The following SCIN variants were observed in gnomAD, a reference collection of about 807,000 sequenced individuals.
SCIN encodes the protein scinderin.
A neutral mutation model predicts 91.8 loss-of-function variants in SCIN; 91 were observed. That is an observed-to-expected ratio of 0.99 (90% CI 0.84 to 1.18). SCIN has a LOEUF of 1.18. SCIN is among the 50% of genes most tolerant of loss of function. SCIN has a pLI of 0.00. For synonymous variants in SCIN, 367 were observed against 312.6 expected, an observed-to-expected ratio of 1.17 and a Z score of -1.84; for missense variants, 1,087 against 863.9, an observed-to-expected ratio of 1.26 and a Z score of -3.24.
chr7:12,592,212 T>G (rs1476774851), intron 3 of SCIN, among the ~76,000 whole-genome samples: 1 of 151,144 alleles, frequency 6.6e-6, no homozygotes, highest in African/African-American at 2.4e-5. Flanking sequence ...GTGTAGAGGG[T>G]GGTGTTGGTA....
Position 12,629,241 on chromosome 7 carries a change from A to G in SCIN, c.1319+19A>G, listed in dbSNP as rs1297492991. The G allele has an allele frequency of 3.1e-6, 5 of 1,589,152 alleles. No homozygotes were observed. Among genetic ancestry groups the G allele is most frequent in the South Asian group, 1.2e-5 (1 of 85,784 alleles). ...ACACGTGGTGAGTTTATACGGGTAAAGATCTCGAGTTCCACAGGAGCCAGA... is the reference window on the plus strand; with the variant it reads ...ACACGTGGTGAGTTTATACGGGTAAGGATCTCGAGTTCCACAGGAGCCAGA... On this transcript the variant is annotated intron_variant, in intron 9 of 15. Coordinates refer to ENST00000297029, the MANE Select transcript of SCIN (RefSeq NM_001112706.3).
At chr7:12,625,291 T>G (rs1464316316) in intron 6 of SCIN, 149 bp downstream of exon 6, 2 of 671,930 alleles carry the variant, frequency 3.0e-6, no homozygotes, top group Non-Finnish European at 4.6e-6. Flanking sequence ...TGCAGCCATT[T>G]TCCTCCTACC....
In SCIN at chr7:12,642,795, CG is replaced by C. The variant is rs1386602774; in HGVS notation, c.1582-1341del. Among the ~76,000 whole-genome samples, 28 of 151,924 alleles carry C rather than the reference CG, an allele frequency of 1.8e-4. No individual in the cohort carries two copies. In the South Asian group the frequency reaches 2.9e-3, roughly 16 times the overall value. ...TTACAATGGTTTCTTCCTAATCTAT[CG>C]GCCACTCCTCTCGGGCTAGTTTGCT... is the stretch of plus-strand genomic sequence containing the variant. On this transcript the variant is annotated intron_variant, in intron 11 of 15. Transcript: ENST00000297029.
At chr7:12,621,007 G>A (rs1232238209) in intron 4 of SCIN, among the ~76,000 whole-genome samples, 2 of 152,096 alleles carry the variant, frequency 1.3e-5, no homozygotes, top group Non-Finnish European at 2.9e-5. Flanking sequence ...TGAGCTAAAT[G>A]CCAATCGCGT....
At chr7:12,585,290 G>C (rs1782564662) in intron 3 of SCIN, among the ~76,000 whole-genome samples, 1 of 152,102 alleles carries the variant, frequency 6.6e-6, no homozygotes, top group African/African-American at 2.4e-5. Flanking sequence ...ACTTTTCCCA[G>C]CTTATCCAGC....
rs757531443 is a variant in SCIN at position 12,640,416 on chromosome 7, T to G, written c.1480T>G (p.Tyr494Asp). ...SLFKDKPLII[Y>D]KNGTSKKGGQ... ...GTTCAAAGACAAACCGCTCATTATT[T>G]ACAAGAATGGAACATCAAAGAAAGG... Residue 494 changes from tyrosine to aspartate, a missense_variant, in exon 11 of 16, where the codon TAC becomes GAC. By Grantham distance (160) the Tyr-to-Asp change is radical (BLOSUM62 -3). Coordinates refer to ENST00000297029, the MANE Select transcript of SCIN (RefSeq NM_001112706.3). 1 of 1,613,632 alleles carries G rather than the reference T, an allele frequency of 6.2e-7. No homozygotes were observed. The highest frequency in any genetic ancestry group is 1.1e-5 in the South Asian group (1 of 91,030).
Position 12,602,330 on chromosome 7 carries a change from T to A in SCIN, c.517-2184T>A, listed in dbSNP as rs7806833. 1.8e-4 allele frequency among the ~76,000 whole-genome samples: 28 copies of A among 152,084 alleles called. No homozygotes were observed. The East Asian group carries it at 3.3e-3, about 18-fold the overall frequency. The stretch of plus-strand genomic sequence containing the variant: ...AAAAAGGAGAACAAAGATCACATGC[T>A]TCTGAGGAAACAGGACAAAAGGCAA... On this transcript the variant is annotated intron_variant, in intron 3 of 15. Transcript: ENST00000297029.
At chr7:12,607,818 A>G (rs1163928808) in intron 4 of SCIN, among the ~76,000 whole-genome samples, 1 of 152,222 alleles carries the variant, frequency 6.6e-6, no homozygotes, top group Non-Finnish European at 1.5e-5. Context: ...TAATTAATTG[A>G]GCACCTATAA....
At chr7:12,620,052 A>G (rs183863161) in intron 4 of SCIN, among the ~76,000 whole-genome samples, 50 of 152,154 alleles carry the variant, frequency 3.3e-4, no homozygotes, top group African/African-American at 1.1e-3. Flanking sequence ...GTTTGTACAT[A>G]TATATCTATC....
intron 3 of SCIN, among the ~76,000 whole-genome samples, chr7:12,591,414 C>G (rs1421098032): frequency 1.3e-5 from 2 of 152,118 alleles, no homozygotes; most frequent in African/African-American, 4.8e-5. Context: ...TTAAAGCAGG[C>G]TGGCCACCCT....
chr7:12,587,121 G>T lies in SCIN; in HGVS notation c.516+5900G>T, dbSNP rs570725537. On this transcript the variant is annotated intron_variant, in intron 3 of 15. Coordinates refer to ENST00000297029, the MANE Select transcript of SCIN (RefSeq NM_001112706.3). ...GTACAAATAAGTGATAACTATTTGA[G>T]GTGATTGATGTGCTAATTACTCTGA... Among the ~76,000 whole-genome samples, 3 of 152,226 alleles carry T rather than the reference G, an allele frequency of 2.0e-5. No homozygotes were observed. The South Asian group carries it at 6.2e-4, about 32-fold the overall frequency.
At position 12,659,835 on chromosome 7, in the gene SCIN, G is replaced by A; in HGVS notation, c.*7120G>A. On this transcript the variant is annotated 3_prime_UTR_variant, in exon 16 of 16. Transcript: ENST00000297029. ...TAAGCCATCATATCCCCTGTGACCTGCACATATACATCCAGATGGCCTGAA... is the reference window on the plus strand; with the variant it reads ...TAAGCCATCATATCCCCTGTGACCTACACATATACATCCAGATGGCCTGAA... 5.8e-6 allele frequency: 1 copy of A among 172,462 alleles called. No individual in the cohort carries two copies. Among genetic ancestry groups the A allele is most frequent in the Non-Finnish European group, 1.2e-5 (1 of 81,100 alleles). 10.7% of individuals were successfully genotyped at this position (172,462 alleles called of 1,614,324 possible). A position where few individuals can be genotyped will look rare whatever the true frequency, so the allele number is the denominator to read the frequency against.
intron 4 of SCIN, 114 bp from the exon 5 acceptor site, chr7:12,622,687 G>T: frequency 1.4e-6 from 1 of 722,914 alleles, no homozygotes; most frequent in Non-Finnish European, 2.3e-6. Context: ...TTTGAGCCTG[G>T]TCATTTTAAT....
rs1784222999 is a variant in SCIN at position 12,659,369 on chromosome 7, A to G, written c.*6654A>G. 6.6e-6 allele frequency: 1 copy of G among 152,242 alleles called. No homozygotes were observed. The highest frequency in any genetic ancestry group is 2.1e-4 in the South Asian group (1 of 4,836). The allele number at this position is 152,242 out of a possible 1,614,324, so 9.4% of individuals were successfully genotyped here. Reference sequence around the variant, plus strand: ...TAAATACAGACTTGGCTGTATTTGAACAGCACCTTCAAAAACCAGAAGCCA... The same window carrying G: ...TAAATACAGACTTGGCTGTATTTGAGCAGCACCTTCAAAAACCAGAAGCCA... On this transcript the variant is annotated 3_prime_UTR_variant, in exon 16 of 16. Coordinates refer to ENST00000297029, the MANE Select transcript of SCIN (RefSeq NM_001112706.3).
Position 12,657,562 on chromosome 7 carries a change from ATATATATATATTTTTTTTTT to A in SCIN, c.*4849_*4868del, listed in dbSNP as rs1205781560. The A allele has an allele frequency of 3.2e-4, 8 of 25,046 alleles. No individual in the cohort carries two copies. The highest frequency in any genetic ancestry group is 8.0e-4 in the African/African-American group (7 of 8,706). 1.6% of individuals were successfully genotyped at this position (25,046 alleles called of 1,614,324 possible). A position where few individuals can be genotyped will look rare whatever the true frequency, so the allele number is the denominator to read the frequency against. ...TGTATATATATATATATATATATAT[ATATATATATATTTTTTTTTT>A]TTTTTTTTTTTTTTTTGCATTGGCA... On this transcript the variant is annotated 3_prime_UTR_variant, in exon 16 of 16. Transcript: ENST00000297029.
intron 8 of SCIN, among the ~76,000 whole-genome samples, chr7:12,628,044 TGTG>T (rs1783566157): frequency 6.6e-6 from 1 of 151,492 alleles, no homozygotes. Flanking sequence ...TGTGTGTGTG[TGTG>T]TGTGTGTGTG....
chr7:12,576,816 G>T (rs1782381655), intron 1 of SCIN, among the ~76,000 whole-genome samples: 1 of 152,124 alleles, frequency 6.6e-6, no homozygotes, highest in Non-Finnish European at 1.5e-5. Context: ...TTATGAGGTT[G>T]CTTGAAGATT....
At chr7:12,624,580 A>G (rs1783473601) in intron 5 of SCIN, among the ~76,000 whole-genome samples, 1 of 152,196 alleles carries the variant, frequency 6.6e-6, no homozygotes, top group Admixed American at 6.5e-5. Context: ...GTATGTAATG[A>G]TTTTAAGATT....
At chr7:12,645,211 T>A (rs1307302368) in intron 13 of SCIN, among the ~76,000 whole-genome samples, 1 of 139,852 alleles carries the variant, frequency 7.2e-6, no homozygotes, top group African/African-American at 2.7e-5. Context: ...CCCAGCTACT[T>A]GGGAGGCTGA....
Sources: gnomAD v4.1 joint callset for allele counts (sites outside exome capture counted in the v4.1 genomes callset) on GRCh38, gnomAD v4.1.1 for gene constraint, MANE v1.5 for transcripts, NCBI Gene and HGNC (gene_info 2026-07-23, HGNC 2026-07-21) for gene names.